N4BP2: variants seen among roughly 807,000 people sequenced by gnomAD.
N4BP2 encodes NEDD4 binding protein 2, also known as NEDD4-binding protein 2.
N4BP2 carries 91 observed loss-of-function variants against 152.8 expected under a neutral mutation model. The ratio of observed to expected loss-of-function variants is 0.60; its 90% CI spans 0.50 to 0.71. The LOEUF is 0.71. N4BP2 is among the 30% of genes least tolerant of loss of function. N4BP2 has a pLI of 0.00. For missense variants in N4BP2, 1,923 were observed against 2,059.1 expected (o/e 0.93, Z 1.28); for synonymous variants, 646 against 705.3 (o/e 0.92, Z 1.33).
chr4:40,108,320 CTT>C (rs202172201), intron 5 of N4BP2, among the ~76,000 whole-genome samples: 21 of 147,120 alleles, frequency 1.4e-4, no homozygotes, highest in African/African-American at 4.7e-4. Context: ...TTGGTTTACT[CTT>C]TTTTTTTTGA....
At chr4:40,125,064 C>T (rs1245724521) in intron 11 of N4BP2, among the ~76,000 whole-genome samples, 2 of 152,210 alleles carry the variant, frequency 1.3e-5, no homozygotes, top group Non-Finnish European at 2.9e-5. Context: ...AGTTCCTCCA[C>T]ATGCCTCTGT....
At chr4:40,132,033 C>T in intron 13 of N4BP2, 114 bp downstream of exon 13, 1 of 744,770 alleles carries the variant, frequency 1.3e-6, no homozygotes, top group Admixed American at 2.2e-5. Context: ...CTCTCCTAAT[C>T]TGTGGGTATT....
intron 1 of N4BP2, among the ~76,000 whole-genome samples, chr4:40,064,565 G>A (rs1578934907): frequency 2.0e-5 from 3 of 152,162 alleles, no homozygotes; most frequent in Admixed American, 1.3e-4. Context: ...GAGCCACCGC[G>A]CCCGGCAATA....
Position 40,120,231 on chromosome 4 carries a change from C to G in N4BP2, c.2120C>G (p.Ala707Gly). 6.2e-7 allele frequency: 1 copy of G among 1,613,768 alleles called. No homozygotes were observed. Among genetic ancestry groups the G allele is most frequent in the Admixed American group, 1.7e-5 (1 of 60,008 alleles). The change falls in exon 9 of 18, where the codon GCT becomes GGT. Residue 707 changes from alanine to glycine, a missense_variant. Physicochemically the swap from Ala to Gly is moderately conservative, Grantham distance 60. Transcript: ENST00000261435. ...KSENEQIEMV[A>G]VKGYSKTDTD... ...GAAAACGAGCAAATAGAAATGGTGGCTGTAAAAGGGTATAGTAAAACTGAC... is the reference window on the plus strand; with the variant it reads ...GAAAACGAGCAAATAGAAATGGTGGGTGTAAAAGGGTATAGTAAAACTGAC...
At chr4:40,170,958 CATGTTT>C in the N4BP2 span, among the ~76,000 whole-genome samples, 1 of 152,144 alleles carries the variant, frequency 6.6e-6, no homozygotes, top group South Asian at 2.1e-4. Flanking sequence ...AAGGCTTTTA[CATGTTT>C]ATGATTGAGA....
downstream of N4BP2, among the ~76,000 whole-genome samples, chr4:40,159,674 G>C (rs1168711760): frequency 6.6e-6 from 1 of 152,128 alleles, no homozygotes; most frequent in Non-Finnish European, 1.5e-5. Flanking sequence ...TGCGAGGGAG[G>C]CTGGGAAATT....
At chr4:40,081,367 C>T (rs549302575) in intron 2 of N4BP2, among the ~76,000 whole-genome samples, 7 of 152,198 alleles carry the variant, frequency 4.6e-5, no homozygotes, top group East Asian at 3.9e-4. Context: ...CAGTGAAGGC[C>T]GGGCGAGGTG....
In N4BP2 at chr4:40,102,575, C is replaced by G. The variant is rs761942022; in HGVS notation, c.730C>G (p.Leu244Val). The G allele has an allele frequency of 5.0e-6, 8 of 1,614,044 alleles. No individual in the cohort carries two copies. The highest frequency in any genetic ancestry group is 6.8e-6 in the Non-Finnish European group (8 of 1,180,034). ...ALESNYPEDS[L>V]LSSSLNVASD... ...GGAAAGTAACTACCCGGAAGATTCT[C>G]TTCTCAGTAGTTCTTTAAATGTAGC... is the stretch of plus-strand genomic sequence containing the variant. Residue 244 changes from leucine to valine, a missense_variant, in exon 4 of 18, where the codon CTT becomes GTT. Transcript: ENST00000261435.
chr4:40,077,212 G>T (rs1712837666), intron 2 of N4BP2, among the ~76,000 whole-genome samples: 1 of 151,980 alleles, frequency 6.6e-6, no homozygotes. Context: ...CCATGCTGGA[G>T]TGCAGTGGCG....
intron 2 of N4BP2, among the ~76,000 whole-genome samples, chr4:40,091,206 A>G (rs1320551233): frequency 6.6e-6 from 1 of 152,028 alleles, no homozygotes; most frequent in Non-Finnish European, 1.5e-5. Flanking sequence ...GTTATCTGCA[A>G]ATAGGGACAC....
At chr4:40,112,236 T>A in intron 6 of N4BP2, 64 bp downstream of exon 6, 1 of 935,532 alleles carries the variant, frequency 1.1e-6, no homozygotes, top group Non-Finnish European at 1.7e-6. Flanking sequence ...GAACATTAAT[T>A]ATGAAAGTGA....
chr4:40,147,528 G>A (rs1314725639), intron 16 of N4BP2, among the ~76,000 whole-genome samples: 2 of 150,524 alleles, frequency 1.3e-5, no homozygotes, highest in Admixed American at 1.3e-4. Flanking sequence ...CGGGGCGGCT[G>A]GCCGGGCAGA....
At chr4:40,158,679 A>G (rs891228152), downstream of N4BP2, among the ~76,000 whole-genome samples, 2 of 152,042 alleles carry the variant, frequency 1.3e-5, no homozygotes, top group African/African-American at 4.8e-5. Context: ...AATCCCAGGC[A>G]TGAGAACTGC....
At position 40,104,324 on chromosome 4, in the gene N4BP2, C is replaced by A. The variant is rs556766442; in HGVS notation, c.1373+1106C>A. Among the ~76,000 whole-genome samples the A allele has an allele frequency of 2.5e-4, 37 of 149,560 alleles. 1 individual carries two copies. The highest frequency in any genetic ancestry group is 9.4e-4 in the Admixed American group (14 of 14,904). ...AGCCTTCTAACATTATCAGTTGGGT[C>A]TCTATTTGATCCTGGGTGTATCTAG... On this transcript the variant is annotated intron_variant, in intron 4 of 17. Coordinates refer to ENST00000261435, the MANE Select transcript of N4BP2 (RefSeq NM_018177.6).
chr4:40,087,139 T>G (rs555041189), intron 2 of N4BP2, among the ~76,000 whole-genome samples: 2 of 152,186 alleles, frequency 1.3e-5, no homozygotes, highest in Non-Finnish European at 2.9e-5. Context: ...CAATGTTCTA[T>G]AGATATGGAG....
the N4BP2 span, chr4:40,167,448 G>C: frequency 6.6e-6 from 1 of 152,168 alleles, no homozygotes; most frequent in African/African-American, 2.4e-5. Flanking sequence ...ACAGAAAGAA[G>C]TTATTTGCAA....
rs1718406888 is a variant in N4BP2 at position 40,126,321 on chromosome 4, A to G, written c.4518A>G (p.Lys1506=). The change falls in exon 12 of 18, where the codon AAA becomes AAG. Residue 1506 remains lysine (K), a synonymous_variant. Transcript: ENST00000261435. ...CAGAAGAAATTGCCTTACAGGAAAA[A>G]CATAATTTGGTATGAATTAATATAA... ...IMSEEIALQE[K]HNLKRETLMF... is the part of the protein sequence containing the mutation. 1.3e-6 allele frequency: 2 copies of G among 1,504,242 alleles called. No homozygotes were observed. The highest frequency in any genetic ancestry group is 1.2e-5 in the South Asian group (1 of 80,820). The allele number at this position is 1,504,242 out of a possible 1,614,324, so 93.2% of individuals were successfully genotyped here.
chr4:40,103,332 T>C, intron 4 of N4BP2, 114 bp downstream of exon 4: 1 of 883,796 alleles, frequency 1.1e-6, no homozygotes, highest in South Asian at 1.9e-5. Flanking sequence ...ACCCCTAAAA[T>C]GTTTTCTTTT....
the N4BP2 span, among the ~76,000 whole-genome samples, chr4:40,168,469 GAGA>G: frequency 6.6e-6 from 1 of 152,016 alleles, no homozygotes; most frequent in Non-Finnish European, 1.5e-5. Flanking sequence ...ACTAAACAGG[GAGA>G]AGAACAGTGC....
Sources: allele counts gnomAD v4.1 joint callset (sites outside exome capture counted in the v4.1 genomes callset), GRCh38; gene constraint gnomAD v4.1.1; transcripts MANE v1.5; gene names NCBI Gene and HGNC (gene_info 2026-07-23, HGNC 2026-07-21).